The following LIN9 variants were observed in gnomAD, a reference collection of about 807,000 sequenced individuals.
The protein encoded by LIN9 is protein lin-9 homolog.
A neutral mutation model predicts 78.0 loss-of-function variants in LIN9; 18 were observed. That is an observed-to-expected ratio of 0.23 (90% CI 0.16 to 0.34). The LOEUF is 0.34. Among genes scored for constraint, LIN9 ranks in the 10% least tolerant of loss-of-function variants. The pLI is 1.00. For synonymous variants in LIN9, 192 were observed against 215.2 expected (o/e 0.89, Z 0.94); for missense variants, 451 against 644.1 (o/e 0.70, Z 3.25).
At chr1:226,301,807 C>T (rs547185758) in intron 1 of LIN9, among the ~76,000 whole-genome samples, 39 of 152,306 alleles carry the variant, frequency 2.6e-4, no homozygotes, top group Non-Finnish European at 2.2e-4. Flanking sequence ...ATGGCTGACA[C>T]CTGTAATCCC....
chr1:226,267,415 T>A (rs1660003186), intron 8 of LIN9, among the ~76,000 whole-genome samples: 1 of 89,390 alleles, frequency 1.1e-5, no homozygotes, highest in African/African-American at 4.3e-5. Context: ...AGAGCAAGAC[T>A]CCGTCTCAAA....
Position 226,233,190 on chromosome 1 carries a change from G to A in LIN9, c.1429C>T (p.Leu477=). Residue 477 remains leucine, a synonymous_variant, in exon 14 of 15, where the codon CTA becomes TTA. Transcript: ENST00000681046. ...LTAILLQIKC[L]AEGGDLNSFE... The stretch of plus-strand genomic sequence containing the variant: ...GAATTCAGGTCTCCTCCTTCTGCTA[G>A]ACACTAAAGGGAAAAAAATTTCAAA... 4 of 1,596,546 alleles carry A rather than the reference G, an allele frequency of 2.5e-6. No homozygotes were observed. Among genetic ancestry groups the A allele is most frequent in the Non-Finnish European group, 3.4e-6 (4 of 1,173,070 alleles).
chr1:226,305,894 G>A (rs1289931308), intron 1 of LIN9, among the ~76,000 whole-genome samples: 1 of 152,220 alleles, frequency 6.6e-6, no homozygotes, highest in Non-Finnish European at 1.5e-5. Context: ...GAATTAATGA[G>A]AGGCTGAGGT....
intron 8 of LIN9, 109 bp from the exon 9 acceptor site, chr1:226,266,441 C>A: frequency 1.3e-6 from 1 of 775,736 alleles, no homozygotes; most frequent in South Asian, 3.0e-5. Flanking sequence ...TTCTATGATT[C>A]ATATAGAATT....
At position 226,232,277 on chromosome 1, in the gene LIN9, A is replaced by G. The variant is rs1281657032; in HGVS notation, c.*224T>C. 1 of 408,398 alleles carries G rather than the reference A, an allele frequency of 2.4e-6. No homozygotes were observed. The highest frequency in any genetic ancestry group is 4.3e-6 in the Non-Finnish European group (1 of 232,196). 25.3% of individuals were successfully genotyped at this position (408,398 alleles called of 1,614,324 possible). On this transcript the variant is annotated 3_prime_UTR_variant, in exon 15 of 15. Transcript: ENST00000681046. The stretch of plus-strand genomic sequence containing the variant: ...ATATTTGTGAATATAAACATATGTA[A>G]CATAAGCAATGCTACTGCATCTGAA...
chr1:226,261,028 A>C (rs1436491766), intron 10 of LIN9, among the ~76,000 whole-genome samples: 2 of 152,088 alleles, frequency 1.3e-5, no homozygotes, highest in Non-Finnish European at 2.9e-5. Flanking sequence ...AGTAGGCTAA[A>C]GAAGAAAAAT....
Position 226,238,824 on chromosome 1 carries a change from C to CTG in LIN9, c.1245+145_1245+146dup, listed in dbSNP as rs1657911777. The CTG allele has an allele frequency of 4.4e-6, 3 of 683,570 alleles. No individual in the cohort carries two copies. In the Admixed American group the frequency reaches 1.0e-4, roughly 23 times the overall value. 42.3% of individuals were successfully genotyped at this position (683,570 alleles called of 1,614,324 possible). ...TATAAAGCACTCTTCAACACTGATG[C>CTG]TGGGAGGAGTAAGAAACTTTATATA... On this transcript the variant is annotated intron_variant, in intron 12 of 14. Coordinates refer to ENST00000681046, the MANE Select transcript of LIN9 (RefSeq NM_001366245.2).
intron 14 of LIN9, 40 bp from the exon 15 acceptor site, chr1:226,232,646 A>G (rs755176665): frequency 7.7e-7 from 1 of 1,298,574 alleles, no homozygotes; most frequent in Admixed American, 2.2e-5. Flanking sequence ...TTTATTTCAA[A>G]AAATTAAGAA....
chr1:226,277,063 G>A (rs897567817), intron 7 of LIN9, among the ~76,000 whole-genome samples: 13 of 151,570 alleles, frequency 8.6e-5, no homozygotes, highest in Non-Finnish European at 1.0e-4. Context: ...AAAAATTTAC[G>A]GCCAGGTGTG....
At chr1:226,235,384 T>C (rs1405414418) in intron 12 of LIN9, among the ~76,000 whole-genome samples, 1 of 146,952 alleles carries the variant, frequency 6.8e-6, no homozygotes, top group Non-Finnish European at 1.5e-5. Flanking sequence ...GAGAAAAAAT[T>C]CTACTAACTA....
At chr1:226,248,075 T>C (rs1658598610) in intron 11 of LIN9, among the ~76,000 whole-genome samples, 1 of 152,204 alleles carries the variant, frequency 6.6e-6, no homozygotes, top group Admixed American at 6.5e-5. Context: ...TAATCCAAAT[T>C]ACCTAGTCTA....
At chr1:226,278,003 CT>C in intron 6 of LIN9, 71 bp from the exon 7 acceptor site, 4 of 1,292,772 alleles carry the variant, frequency 3.1e-6, no homozygotes, top group East Asian at 2.4e-5. Flanking sequence ...TTTTTTTTTT[CT>C]TTTTTTGAGA....
intron 1 of LIN9, among the ~76,000 whole-genome samples, chr1:226,307,643 T>C (rs1425416066): frequency 1.3e-5 from 2 of 152,024 alleles, no homozygotes; most frequent in African/African-American, 2.4e-5. Flanking sequence ...TCAAAATAAA[T>C]AAATAAATAA....
chr1:226,269,247 A>G (rs1660113682), intron 7 of LIN9, among the ~76,000 whole-genome samples: 1 of 152,212 alleles, frequency 6.6e-6, no homozygotes, highest in Non-Finnish European at 1.5e-5. Flanking sequence ...TAGAGGACTA[A>G]AATCTCTCTC....
intron 1 of LIN9, among the ~76,000 whole-genome samples, chr1:226,302,385 C>T (rs1375561628): frequency 2.0e-5 from 3 of 151,872 alleles, no homozygotes; most frequent in Non-Finnish European, 4.4e-5. Context: ...CTACTAAAAA[C>T]ACAAAAAATT....
chr1:226,303,766 G>A (rs1479055660), intron 1 of LIN9, among the ~76,000 whole-genome samples: 6 of 151,998 alleles, frequency 3.9e-5, no homozygotes, highest in African/African-American at 4.8e-5. Flanking sequence ...GCCACCATAC[G>A]CAGCTAATTT....
chr1:226,288,023 AT>A (rs1475333277), intron 4 of LIN9, among the ~76,000 whole-genome samples: 2 of 151,850 alleles, frequency 1.3e-5, no homozygotes, highest in Non-Finnish European at 2.9e-5. Flanking sequence ...CCAGGCTGGA[AT>A]GCAGTGGCAC....
chr1:226,273,606 G>T (rs908557621), intron 7 of LIN9, among the ~76,000 whole-genome samples: 1 of 151,924 alleles, frequency 6.6e-6, no homozygotes, highest in African/African-American at 2.4e-5. Flanking sequence ...CTTTGCATTT[G>T]TTTTCTTCTT....
chr1:226,280,128 A>G (rs1486578874), intron 6 of LIN9, among the ~76,000 whole-genome samples: 1 of 152,202 alleles, frequency 6.6e-6, no homozygotes, highest in Non-Finnish European at 1.5e-5. Context: ...TCTAGAGCCT[A>G]TCTTCCTTCC....
Sources: gnomAD v4.1 joint callset for allele counts (sites outside exome capture counted in the v4.1 genomes callset) on GRCh38, gnomAD v4.1.1 for gene constraint, MANE v1.5 for transcripts, NCBI Gene and HGNC (gene_info 2026-07-23, HGNC 2026-07-21) for gene names.